The following CDK5RAP2 variants were observed in gnomAD, a reference collection of about 807,000 sequenced individuals.
The protein encoded by CDK5RAP2 is CDK5 regulatory subunit-associated protein 2.
In CDK5RAP2, 147 loss-of-function variants were observed where a neutral mutation model predicts 232.9. That is an observed-to-expected ratio of 0.63 (90% CI 0.55 to 0.72). CDK5RAP2 has a LOEUF of 0.72. CDK5RAP2 is among the 30% of genes least tolerant of loss of function. CDK5RAP2 has a pLI of 0.00. For missense variants in CDK5RAP2, 2,195 were observed against 2,231.5 expected, an observed-to-expected ratio of 0.98 and a Z score of 0.33; for synonymous variants, 833 against 833.7, an observed-to-expected ratio of 1.00 and a Z score of 0.01.
chr9:120,402,772 C>T (rs1468108483), intron 34 of CDK5RAP2, 34 bp downstream of exon 34: 2 of 1,612,384 alleles, frequency 1.2e-6, no homozygotes, highest in Non-Finnish European at 1.7e-6. Context: ...TCCCAGGGAG[C>T]AGCTTGTGCC....
chr9:120,557,833 C>T (rs1277917882), intron 3 of CDK5RAP2, among the ~76,000 whole-genome samples: 1 of 147,292 alleles, frequency 6.8e-6, no homozygotes, highest in Non-Finnish European at 1.5e-5. Flanking sequence ...GGTGCAATCT[C>T]GGCTCACTGC....
intron 18 of CDK5RAP2, among the ~76,000 whole-genome samples, chr9:120,465,826 GT>G (rs796299006): frequency 8.5e-5 from 13 of 152,282 alleles, no homozygotes; most frequent in African/African-American, 2.9e-4. Flanking sequence ...AGGCAGTTAA[GT>G]TTCAGCACAT....
intron 18 of CDK5RAP2, among the ~76,000 whole-genome samples, chr9:120,463,457 C>T (rs537180543): frequency 1.2e-4 from 18 of 152,288 alleles, no homozygotes; most frequent in Admixed American, 6.5e-4. Context: ...TCTCTCCAAG[C>T]TTCTGCAAGG....
At position 120,408,481 on chromosome 9, in the gene CDK5RAP2, C is replaced by T. The variant is rs753263727; in HGVS notation, c.4605-13G>A. 1 of 1,614,074 alleles carries T rather than the reference C, an allele frequency of 6.2e-7. No individual in the cohort carries two copies. Among genetic ancestry groups the T allele is most frequent in the Admixed American group, 1.7e-5 (1 of 60,036 alleles). ...CTCCTCCTGCACCCTGAGAAGGCCCCACAGGCATGAGAAGGACAGGTTAAT... is the reference window on the plus strand; with the variant it reads ...CTCCTCCTGCACCCTGAGAAGGCCCTACAGGCATGAGAAGGACAGGTTAAT... On this transcript the variant is annotated splice_polypyrimidine_tract_variant and intron_variant, in intron 30 of 37. Transcript: ENST00000349780.
intron 12 of CDK5RAP2, among the ~76,000 whole-genome samples, chr9:120,492,070 A>G (rs1351499587): frequency 6.6e-6 from 1 of 152,144 alleles, no homozygotes; most frequent in African/African-American, 2.4e-5. Flanking sequence ...AAAAAAGTTC[A>G]TGTTATTCCC....
intron 14 of CDK5RAP2, among the ~76,000 whole-genome samples, chr9:120,482,766 G>A (rs1282443082): frequency 2.0e-5 from 3 of 152,182 alleles, no homozygotes; most frequent in South Asian, 2.1e-4. Context: ...CTCAGAGACC[G>A]ATATGAATCT....
chr9:120,394,144 G>A (rs186558494), intron 36 of CDK5RAP2, among the ~76,000 whole-genome samples: 58 of 152,258 alleles, frequency 3.8e-4, no homozygotes, highest in African/African-American at 1.3e-3. Context: ...TCCATGTGAC[G>A]ACGTCTGCTT....
intron 12 of CDK5RAP2, among the ~76,000 whole-genome samples, chr9:120,515,306 C>G (rs75021490): frequency 0.041 from 6,221 of 152,222 alleles, 444 homozygotes; most frequent in African/African-American, 0.14. Flanking sequence ...ACTCAAATCT[C>G]ACCCCTTTCA....
chr9:120,446,531 A>G (rs2036202163), intron 22 of CDK5RAP2, among the ~76,000 whole-genome samples: 1 of 151,828 alleles, frequency 6.6e-6, no homozygotes, highest in South Asian at 2.1e-4. Flanking sequence ...CGGCCTGTCA[A>G]CTCCCACTTT....
chr9:120,487,845 G>T (rs2038694390), intron 13 of CDK5RAP2, among the ~76,000 whole-genome samples: 1 of 152,168 alleles, frequency 6.6e-6, no homozygotes, highest in African/African-American at 2.4e-5. Context: ...TACAAGACTT[G>T]CACATCAAAA....
At chr9:120,514,195 G>A (rs1322165852) in intron 12 of CDK5RAP2, among the ~76,000 whole-genome samples, 5 of 152,178 alleles carry the variant, frequency 3.3e-5, no homozygotes, top group African/African-American at 1.2e-4. Context: ...AGGTAGTCAC[G>A]ATGAGATGCC....
chr9:120,391,586 C>A (rs1196389676), intron 36 of CDK5RAP2, among the ~76,000 whole-genome samples: 1 of 152,210 alleles, frequency 6.6e-6, no homozygotes, highest in African/African-American at 2.4e-5. Flanking sequence ...CCTCGCTTTG[C>A]AAATGAGGAC....
At chr9:120,389,656 C>A (rs1298845706) in intron 37 of CDK5RAP2, 85 bp downstream of exon 37, 8 of 1,299,242 alleles carry the variant, frequency 6.2e-6, no homozygotes, top group East Asian at 2.3e-5. Flanking sequence ...TCCACCTGCA[C>A]CTTCATTTTT....
intron 3 of CDK5RAP2, among the ~76,000 whole-genome samples, chr9:120,551,144 TAAAG>T (rs1381489171): frequency 6.6e-6 from 1 of 151,944 alleles, no homozygotes; most frequent in East Asian, 1.9e-4. Context: ...AATGACTGAA[TAAAG>T]AAAGAATTCA....
intron 12 of CDK5RAP2, among the ~76,000 whole-genome samples, chr9:120,491,789 AC>A (rs1234840133): frequency 6.6e-6 from 1 of 152,194 alleles, no homozygotes; most frequent in Non-Finnish European, 1.5e-5. Context: ...AAAAACACAC[AC>A]CCACAATTAT....
chr9:120,482,731 G>A (rs939471331), intron 14 of CDK5RAP2, among the ~76,000 whole-genome samples: 4 of 152,162 alleles, frequency 2.6e-5, no homozygotes, highest in Non-Finnish European at 5.9e-5. Flanking sequence ...TTGCTAAACT[G>A]ATGATTAAGT....
chr9:120,435,033 T>C (rs1476726932), intron 25 of CDK5RAP2, among the ~76,000 whole-genome samples: 1 of 152,030 alleles, frequency 6.6e-6, no homozygotes, highest in Non-Finnish European at 1.5e-5. Context: ...AAAAATTAAA[T>C]CAATAAAAAT....
intron 27 of CDK5RAP2, among the ~76,000 whole-genome samples, chr9:120,418,374 G>A (rs1456546643): frequency 6.6e-6 from 1 of 152,220 alleles, no homozygotes; most frequent in African/African-American, 2.4e-5. Context: ...GGAGCAGAGG[G>A]AACTGCCTAG....
rs753438057 is a variant in CDK5RAP2 at position 120,518,415 on chromosome 9, G to C, written c.1311+12C>G. The C allele has an allele frequency of 6.2e-7, 1 of 1,609,370 alleles. No individual in the cohort carries two copies. Among genetic ancestry groups the C allele is most frequent in the Non-Finnish European group, 8.5e-7 (1 of 1,176,704 alleles). On this transcript the variant is annotated intron_variant, in intron 12 of 37. Transcript: ENST00000349780. ...ACTGTCCACTGTGTCAGAAGGGCAG[G>C]GCGGTACTCACACGGATGGTGCAGT...
Sources: gnomAD v4.1 joint callset for allele counts (sites outside exome capture counted in the v4.1 genomes callset) on GRCh38, gnomAD v4.1.1 for gene constraint, MANE v1.5 for transcripts, NCBI Gene and HGNC (gene_info 2026-07-23, HGNC 2026-07-21) for gene names.